PCDHA3: variants seen among roughly 807,000 people sequenced by gnomAD.
PCDHA3 encodes the protein protocadherin alpha 3.
PCDHA3 carries 41 observed loss-of-function variants against 62.2 expected under a neutral mutation model. The observed-to-expected ratio is 0.66, with a 90% CI of 0.51 to 0.86. The LOEUF is 0.86. Among genes scored for constraint, PCDHA3 ranks in the 40% least tolerant of loss-of-function variants. The pLI is 0.00. For synonymous variants in PCDHA3, 640 were observed against 555.4 expected, an observed-to-expected ratio of 1.15 and a Z score of -2.14; for missense variants, 1,304 against 1,241.2, an observed-to-expected ratio of 1.05 and a Z score of -0.76.
intron 1 of PCDHA3, among the ~76,000 whole-genome samples, chr5:140,978,417 A>G (rs2096800848): frequency 6.6e-6 from 1 of 152,158 alleles, no homozygotes. Context: ...CAGAAAAGAG[A>G]CTGTTATCAG....
intron 1 of PCDHA3, chr5:140,870,013 A>C: frequency 6.2e-7 from 1 of 1,613,716 alleles, no homozygotes; most frequent in Non-Finnish European, 8.5e-7. Context: ...AGTGAGGGTC[A>C]ATGGAACTTT....
At chr5:140,959,038 A>G (rs1389837259) in intron 1 of PCDHA3, among the ~76,000 whole-genome samples, 2 of 151,994 alleles carry the variant, frequency 1.3e-5, no homozygotes, top group African/African-American at 4.8e-5. Flanking sequence ...ATGGGTATGT[A>G]TGTATAGGAA....
intron 3 of PCDHA3, among the ~76,000 whole-genome samples, chr5:140,988,083 G>A (rs957131929): frequency 1.3e-5 from 2 of 152,292 alleles, no homozygotes; most frequent in Middle Eastern, 3.4e-3. Context: ...TCATGAGTGA[G>A]TGCAGCCTCG....
In PCDHA3 at chr5:141,009,726, C is replaced by A. The variant is rs373683237; in HGVS notation, c.2642C>A (p.Pro881His). Residue 881 changes from proline to histidine, a missense_variant, in exon 4 of 4, where the codon CCC (proline) becomes CAC (histidine). By Grantham distance (77) the Pro-to-His change is moderately conservative (BLOSUM62 -2). Coordinates refer to ENST00000522353, the MANE Select transcript of PCDHA3 (RefSeq NM_018906.3). ...YGPGNPKQSGPGELPDKFIIP... is the reference protein window; with the variant it reads ...YGPGNPKQSGHGELPDKFIIP... The stretch of plus-strand genomic sequence containing the variant: ...CCAGGCAACCCCAAACAATCCGGTC[C>A]CGGTGAGTTGCCCGACAAATTCATT... 85 of 1,614,016 alleles carry A rather than the reference C, an allele frequency of 5.3e-5. No individual in the cohort carries two copies. Among genetic ancestry groups the A allele is most frequent in the Non-Finnish European group, 4.4e-5 (52 of 1,180,032 alleles).
At chr5:140,974,647 G>GATT (rs2096635431) in intron 1 of PCDHA3, among the ~76,000 whole-genome samples, 1 of 152,068 alleles carries the variant, frequency 6.6e-6, no homozygotes, top group African/African-American at 2.4e-5. Context: ...GAGTAGCTGA[G>GATT]ATTACAGGCA....
chr5:140,872,785 C>A (rs781982200), intron 1 of PCDHA3, among the ~76,000 whole-genome samples: 1 of 152,072 alleles, frequency 6.6e-6, no homozygotes, highest in Non-Finnish European at 1.5e-5. Context: ...ATAATATATG[C>A]TAGTTGGCAT....
At chr5:140,849,688 T>C in intron 1 of PCDHA3, 3 of 1,598,706 alleles carry the variant, frequency 1.9e-6, no homozygotes, top group Non-Finnish European at 2.6e-6. Flanking sequence ...TTCAAGCTGG[T>C]GTCCACCTAC....
At chr5:140,942,619 T>A in intron 1 of PCDHA3, among the ~76,000 whole-genome samples, 1 of 148,900 alleles carries the variant, frequency 6.7e-6, no homozygotes. Context: ...TTGCCAATTG[T>A]AAAAAAAAAA....
chr5:140,967,836 A>G, intron 1 of PCDHA3: 1 of 1,614,136 alleles, frequency 6.2e-7, no homozygotes, highest in African/African-American at 1.3e-5. Flanking sequence ...GACATCGTGG[A>G]CGTGAATGAC....
At chr5:140,857,215 G>A in intron 1 of PCDHA3, 1 of 1,598,474 alleles carries the variant, frequency 6.3e-7, no homozygotes. Flanking sequence ...GCTCTCTGAC[G>A]CCTCACGTTC....
rs553859456 is a variant in PCDHA3 at position 140,938,056 on chromosome 5, A to G, written c.2395-40893A>G. Among the ~76,000 whole-genome samples, 1,107 of 152,294 alleles carry G rather than the reference A, an allele frequency of 7.3e-3. 4 individuals carry two copies. Among genetic ancestry groups the G allele is most frequent in the Admixed American group, 0.012 (189 of 15,304 alleles). ...TTTATATTTTGGGTTTTCTACATATACTGTCATGCTATTCCCAAATAATGT... is the reference window on the plus strand; with the variant it reads ...TTTATATTTTGGGTTTTCTACATATGCTGTCATGCTATTCCCAAATAATGT... On this transcript the variant is annotated intron_variant, in intron 1 of 3. Coordinates refer to ENST00000522353, the MANE Select transcript of PCDHA3 (RefSeq NM_018906.3).
intron 1 of PCDHA3, among the ~76,000 whole-genome samples, chr5:140,965,785 T>C (rs1315730975): frequency 1.3e-5 from 2 of 152,222 alleles, no homozygotes; most frequent in East Asian, 3.8e-4. Context: ...GCCTACAGCT[T>C]CATGGAGACT....
intron 1 of PCDHA3, among the ~76,000 whole-genome samples, chr5:140,902,484 G>T (rs1211102117): frequency 3.3e-5 from 5 of 152,096 alleles, no homozygotes; most frequent in African/African-American, 1.2e-4. Context: ...TGCCTGCTCA[G>T]TATGATACTA....
At chr5:140,928,639 G>A in intron 1 of PCDHA3, 1 of 1,614,218 alleles carries the variant, frequency 6.2e-7, no homozygotes, top group Non-Finnish European at 8.5e-7. Context: ...GGTCACAAAA[G>A]TGGTAGCAGA....
chr5:140,874,469 G>C (rs2054929448), intron 1 of PCDHA3, among the ~76,000 whole-genome samples: 1 of 152,212 alleles, frequency 6.6e-6, no homozygotes, highest in Non-Finnish European at 1.5e-5. Flanking sequence ...GGAAGATTTA[G>C]AGAAAAAGCA....
intron 1 of PCDHA3, chr5:140,843,893 C>A: frequency 1.5e-6 from 1 of 677,036 alleles, no homozygotes; most frequent in South Asian, 2.1e-5. Context: ...CAGTATTAAT[C>A]ATTCTCCACA....
At position 140,840,546 on chromosome 5, in the gene PCDHA3, T is replaced by C. The variant is rs2150307753; in HGVS notation, c.2394+36955T>C. ...AGATGAAGAACTAACAAGCCAATGATGGCAATACTGCTAGAGTTTGGCATG... is the reference window on the plus strand; with the variant it reads ...AGATGAAGAACTAACAAGCCAATGACGGCAATACTGCTAGAGTTTGGCATG... On this transcript the variant is annotated intron_variant, in intron 1 of 3. Coordinates refer to ENST00000522353, the MANE Select transcript of PCDHA3 (RefSeq NM_018906.3). 2.8e-4 allele frequency among the ~76,000 whole-genome samples: 42 copies of C among 152,170 alleles called. 1 individual carries two copies. The highest frequency in any genetic ancestry group is 9.9e-4 in the African/African-American group (41 of 41,470).
Position 140,869,617 on chromosome 5 carries a change from C to G in PCDHA3, c.2394+66026C>G, listed in dbSNP as rs782525218. The stretch of plus-strand genomic sequence containing the variant: ...AGAGAATGCTCTATTGACCTACAGG[C>G]TAAGTAAAAATGAGTATTTTTCTTT... On this transcript the variant is annotated intron_variant, in intron 1 of 3. Transcript: ENST00000522353. 5 of 1,613,828 alleles carry G rather than the reference C, an allele frequency of 3.1e-6. No homozygotes were observed. The highest frequency in any genetic ancestry group is 4.2e-6 in the Non-Finnish European group (5 of 1,179,910).
chr5:140,883,658 G>C (rs573544891), intron 1 of PCDHA3: 2 of 1,613,994 alleles, frequency 1.2e-6, no homozygotes, highest in African/African-American at 2.7e-5. Context: ...CACGGTGTTC[G>C]TGAAGGAAAA....
Sources: gnomAD v4.1 joint callset for allele counts (sites outside exome capture counted in the v4.1 genomes callset) on GRCh38, gnomAD v4.1.1 for gene constraint, MANE v1.5 for transcripts, NCBI Gene and HGNC (gene_info 2026-07-23, HGNC 2026-07-21) for gene names.